PHF12: variants seen among roughly 807,000 people sequenced by gnomAD.
PHF12 encodes PHD factor 1.
A neutral mutation model predicts 99.8 loss-of-function variants in PHF12; 6 were observed. That is an observed-to-expected ratio of 0.06 (90% CI 0.03 to 0.12). The LOEUF is 0.12. PHF12 is among the 10% of genes least tolerant of loss of function. The pLI is 1.00. For missense variants in PHF12, 954 were observed against 1,300.1 expected, an observed-to-expected ratio of 0.73 and a Z score of 4.09; for synonymous variants, 480 against 514.9, an observed-to-expected ratio of 0.93 and a Z score of 0.92.
intron 2 of PHF12, among the ~76,000 whole-genome samples, chr17:28,931,651 G>A (rs1044420625): frequency 6.6e-6 from 1 of 150,856 alleles, no homozygotes; most frequent in African/African-American, 2.4e-5. Context: ...GCGTGATCTC[G>A]GCTCACTGCA....
intron 9 of PHF12, 83 bp from the exon 10 acceptor site, chr17:28,911,320 G>A (rs1437842386): frequency 6.4e-7 from 1 of 1,561,540 alleles, no homozygotes; most frequent in East Asian, 2.3e-5. Context: ...GACAGGTCTG[G>A]ATTTCGGACC....
At chr17:28,910,985 C>T in intron 10 of PHF12, 127 bp downstream of exon 10, 1 of 1,348,896 alleles carries the variant, frequency 7.4e-7, no homozygotes, top group South Asian at 1.4e-5. Context: ...ACTCCTCATT[C>T]CCATCTCCCC....
chr17:28,907,038 G>A, intron 13 of PHF12, 44 bp from the exon 14 acceptor site: 1 of 1,562,208 alleles, frequency 6.4e-7, no homozygotes, highest in Non-Finnish European at 8.7e-7. Flanking sequence ...CTGCTGTGTG[G>A]GGCCTGGGGC....
intron 2 of PHF12, among the ~76,000 whole-genome samples, chr17:28,947,556 T>G (rs2152679990): frequency 6.6e-6 from 1 of 151,920 alleles, no homozygotes; most frequent in Non-Finnish European, 1.5e-5. Context: ...CCAGCCTGGG[T>G]GACAAAGCGA....
At chr17:28,947,493 C>T (rs1420372251) in intron 2 of PHF12, among the ~76,000 whole-genome samples, 2 of 151,786 alleles carry the variant, frequency 1.3e-5, no homozygotes, top group Non-Finnish European at 2.9e-5. Context: ...CAGAAGAATC[C>T]GTTGAACCTG....
intron 7 of PHF12, among the ~76,000 whole-genome samples, chr17:28,915,383 G>C (rs914398930): frequency 6.6e-6 from 1 of 151,354 alleles, no homozygotes; most frequent in Non-Finnish European, 1.5e-5. Context: ...GGAGATACAG[G>C]AGGAAGAGCA....
chr17:28,912,710 C>G lies in PHF12; in HGVS notation c.1861G>C (p.Val621Leu), dbSNP rs1458581014. Residue 621 changes from valine to leucine, a missense_variant, in exon 9 of 15, where the codon GTC becomes CTC. By Grantham distance (32) the Val-to-Leu change is conservative (BLOSUM62 1). This residue lies in a region of PHF12 where 392 missense variants were observed against 423.1 expected (regional missense o/e 0.93). Transcript: ENST00000332830. The stretch of plus-strand genomic sequence containing the variant: ...GGAATGGAAGGGGGCAGGCTTGGGA[C>G]AGGAACCAAACTCCTCTGGGGGCAA... ...SSCPQRSLVP[V>L]PSLPPSIPSS... is the part of the protein sequence containing the mutation. The G allele has an allele frequency of 6.8e-6, 11 of 1,614,106 alleles. No homozygotes were observed. Among genetic ancestry groups the G allele is most frequent in the Non-Finnish European group, 9.3e-6 (11 of 1,180,048 alleles).
chr17:28,951,168 G>A lies in PHF12; in HGVS notation c.-208C>T. 1 of 1,425,242 alleles carries A rather than the reference G, an allele frequency of 7.0e-7. No homozygotes were observed. The highest frequency in any genetic ancestry group is 2.6e-5 in the East Asian group (1 of 38,970). The allele number at this position is 1,425,242 out of a possible 1,614,324, so 88.3% of individuals were successfully genotyped here. On this transcript the variant is annotated 5_prime_UTR_variant, in exon 1 of 15. Transcript: ENST00000332830. ...CCCGACGGGCCGCGAGGGGGGAGCGGCCCCTCAGTCCCGGCCCGGCTGCTG... is the reference window on the plus strand; with the variant it reads ...CCCGACGGGCCGCGAGGGGGGAGCGACCCCTCAGTCCCGGCCCGGCTGCTG...
intron 7 of PHF12, among the ~76,000 whole-genome samples, chr17:28,916,519 G>C (rs993011683): frequency 5.9e-5 from 9 of 152,300 alleles, no homozygotes; most frequent in South Asian, 2.1e-4. Flanking sequence ...TTAAAATGTG[G>C]CTGCCACCAA....
Position 28,950,648 on chromosome 17 carries a change from G to A in PHF12, c.66+247C>T, listed in dbSNP as rs982457873. 4.8e-5 allele frequency: 27 copies of A among 568,112 alleles called. No homozygotes were observed. The African/African-American group carries it at 4.8e-4, about 10-fold the overall frequency. 35.2% of individuals were successfully genotyped at this position (568,112 alleles called of 1,614,324 possible). A position where few individuals can be genotyped will look rare whatever the true frequency, so the allele number is the denominator to read the frequency against. ...GGGTGGGGAGGCCTGCCGGTGCAAC[G>A]AGATGGAGTGGGCTGGCGCCTCGGG... On this transcript the variant is annotated intron_variant, in intron 1 of 14. Transcript: ENST00000332830. The surrounding 1 kb of genome is among the most constrained non-coding windows in gnomAD (Gnocchi z 5.7).
chr17:28,935,432 G>C (rs1212850367), intron 2 of PHF12, among the ~76,000 whole-genome samples: 2 of 151,828 alleles, frequency 1.3e-5, no homozygotes, highest in Non-Finnish European at 2.9e-5. Context: ...CCACCACACT[G>C]GGCTAATTTT....
chr17:28,930,498 G>GTTTTGTGGGTTAAAACA (rs2040377603), intron 2 of PHF12, among the ~76,000 whole-genome samples: 1 of 152,184 alleles, frequency 6.6e-6, no homozygotes, highest in Non-Finnish European at 1.5e-5. Flanking sequence ...GTAATGCAAT[G>GTTTTGTGGGTTAAAACA]GGGCAGGCAA....
chr17:28,920,837 AGGC>A (rs1402520628), intron 5 of PHF12, among the ~76,000 whole-genome samples: 2 of 151,972 alleles, frequency 1.3e-5, no homozygotes, highest in African/African-American at 2.4e-5. Context: ...TTGGGATTAC[AGGC>A]GTGAGCCACC....
In PHF12 at chr17:28,949,918, G is replaced by C; in HGVS notation, c.248+147C>G. The C allele has an allele frequency of 1.1e-6, 1 of 897,462 alleles. No individual in the cohort carries two copies. The highest frequency in any genetic ancestry group is 2.7e-5 in the East Asian group (1 of 36,656). 55.6% of individuals were successfully genotyped at this position (897,462 alleles called of 1,614,324 possible). A position where few individuals can be genotyped will look rare whatever the true frequency, so the allele number is the denominator to read the frequency against. ...CTGCCAGAACCCGGCGGACACCTGGGGGCGGGGAGGTGCTCGCCCCGGCAG... is the reference window on the plus strand; with the variant it reads ...CTGCCAGAACCCGGCGGACACCTGGCGGCGGGGAGGTGCTCGCCCCGGCAG... On this transcript the variant is annotated intron_variant, in intron 2 of 14. Coordinates refer to ENST00000332830, the MANE Select transcript of PHF12 (RefSeq NM_001033561.2). This position sits in a 1 kb window ranked among gnomAD's most constrained non-coding sequence, Gnocchi z 4.6.
chr17:28,942,297 T>C (rs2040631617), intron 2 of PHF12, among the ~76,000 whole-genome samples: 3 of 151,926 alleles, frequency 2.0e-5, no homozygotes, highest in Admixed American at 2.0e-4. Flanking sequence ...GGAGGATCGG[T>C]TGAGGCCAGG....
intron 3 of PHF12, 138 bp from the exon 4 acceptor site, chr17:28,924,440 G>T: frequency 8.5e-7 from 1 of 1,170,368 alleles, no homozygotes; most frequent in Non-Finnish European, 1.2e-6. Context: ...TGGTCACTTG[G>T]AACACTGGTC....
intron 2 of PHF12, among the ~76,000 whole-genome samples, chr17:28,939,532 T>C (rs2040574463): frequency 6.6e-6 from 1 of 152,158 alleles, no homozygotes; most frequent in African/African-American, 2.4e-5. Context: ...ACTATGATGG[T>C]TTAGTGAACG....
chr17:28,936,642 T>C (rs2040514973), intron 2 of PHF12, among the ~76,000 whole-genome samples: 1 of 152,142 alleles, frequency 6.6e-6, no homozygotes. Flanking sequence ...TCAGTCAAAA[T>C]AAAACATCAG....
At chr17:28,923,305 G>C (rs2152666119) in intron 4 of PHF12, among the ~76,000 whole-genome samples, 1 of 151,874 alleles carries the variant, frequency 6.6e-6, no homozygotes, top group African/African-American at 2.4e-5. Flanking sequence ...TTTCATTGTA[G>C]CCCTTAATAT....
Sources: allele counts gnomAD v4.1 joint callset (sites outside exome capture counted in the v4.1 genomes callset), GRCh38; gene constraint gnomAD v4.1.1; regional missense constraint gnomAD v4.1.1; non-coding constraint Gnocchi (gnomAD v3.1); transcripts MANE v1.5; gene names NCBI Gene and HGNC (gene_info 2026-07-23, HGNC 2026-07-21).